The following IGF1R variants were observed in gnomAD, a reference collection of about 807,000 sequenced individuals.
IGF1R encodes the protein insulin-like growth factor 1 receptor.
Under a neutral mutation model 144.6 loss-of-function variants are expected in IGF1R, and 44 were observed. The observed-to-expected ratio is 0.30, with a 90% confidence interval of 0.24 to 0.39. IGF1R has a LOEUF of 0.39. Ranked by LOEUF, IGF1R falls within the 10% of genes least tolerant of loss-of-function variation. The pLI is 1.00. For missense variants in IGF1R, 1,355 were observed against 1,833.7 expected, an observed-to-expected ratio of 0.74 and a Z score of 4.77; for synonymous variants, 795 against 722.8, an observed-to-expected ratio of 1.10 and a Z score of -1.60.
At position 98,855,109 on chromosome 15, in the gene IGF1R, T is replaced by C. The variant is rs758916971; in HGVS notation, c.641-36216T>C. Among the ~76,000 whole-genome samples, 18 of 152,372 alleles carry C rather than the reference T, an allele frequency of 1.2e-4. No homozygotes were observed. The South Asian group carries it at 1.7e-3, about 14-fold the overall frequency. On this transcript the variant is annotated intron_variant, in intron 2 of 20. Coordinates refer to ENST00000650285, the MANE Select transcript of IGF1R (RefSeq NM_000875.5). ...CTGTCAATCTTGCCTTCCGCGCTAA[T>C]GGGACACTGATGCTGTATGGTGATG...
chr15:98,733,826 A>C (rs1044484247), intron 2 of IGF1R, among the ~76,000 whole-genome samples: 1 of 152,166 alleles, frequency 6.6e-6, no homozygotes. Context: ...GGCAAAGCCC[A>C]GGGATTTGTT....
chr15:98,754,590 C>G (rs895137832), intron 2 of IGF1R, among the ~76,000 whole-genome samples: 1 of 152,194 alleles, frequency 6.6e-6, no homozygotes, highest in Admixed American at 6.5e-5. Flanking sequence ...ACCTTTGCTG[C>G]GTTCCGAAGC....
intron 20 of IGF1R, 125 bp from the exon 21 acceptor site, chr15:98,956,936 C>T (rs2017012342): frequency 1.9e-6 from 2 of 1,069,182 alleles, no homozygotes; most frequent in East Asian, 4.7e-5. Context: ...AGAGGGGCAG[C>T]AGGGCTGTGT....
chr15:98,878,451 A>C (rs2013172025), intron 2 of IGF1R, among the ~76,000 whole-genome samples: 1 of 152,310 alleles, frequency 6.6e-6, no homozygotes, highest in East Asian at 1.9e-4. Context: ...AGGAATATAC[A>C]AACAGTTCCA....
In IGF1R at chr15:98,891,693, G is replaced by C. The variant is rs2013930116; in HGVS notation, c.953+56G>C. On this transcript the variant is annotated intron_variant, in intron 3 of 20. Transcript: ENST00000650285. This position sits in a 1 kb window ranked among gnomAD's most constrained non-coding sequence, Gnocchi z 4.7. Reference sequence around the variant, plus strand: ...CCGCCCCACCTCACCCGCCACCCTAGCACACAAAGGTAGACTCTGTCGGTT... The same window carrying C: ...CCGCCCCACCTCACCCGCCACCCTACCACACAAAGGTAGACTCTGTCGGTT... The C allele has an allele frequency of 6.5e-7, 1 of 1,530,438 alleles. No homozygotes were observed. The highest frequency in any genetic ancestry group is 1.7e-5 in the Admixed American group (1 of 58,112). The allele number at this position is 1,530,438 out of a possible 1,614,324, so 94.8% of individuals were successfully genotyped here. A position where few individuals can be genotyped will look rare whatever the true frequency, so the allele number is the denominator to read the frequency against.
chr15:98,910,386 T>A (rs897697029), intron 6 of IGF1R, among the ~76,000 whole-genome samples: 3 of 152,228 alleles, frequency 2.0e-5, no homozygotes, highest in African/African-American at 7.2e-5. Flanking sequence ...CCTCTCTAAA[T>A]AACACTTCAG....
chr15:98,764,911 A>G (rs1455558727), intron 2 of IGF1R, among the ~76,000 whole-genome samples: 5 of 152,226 alleles, frequency 3.3e-5, no homozygotes, highest in African/African-American at 1.2e-4. Context: ...ATCTAGTTCC[A>G]AAATACATTT....
At chr15:98,785,142 A>T (rs2055961390) in intron 2 of IGF1R, among the ~76,000 whole-genome samples, 7 of 152,352 alleles carry the variant, frequency 4.6e-5, no homozygotes, top group Admixed American at 3.9e-4. Flanking sequence ...CTGGAATTTG[A>T]CTTGATTGGT....
chr15:98,794,858 C>T (rs2056202721), intron 2 of IGF1R, among the ~76,000 whole-genome samples: 1 of 152,196 alleles, frequency 6.6e-6, no homozygotes, highest in South Asian at 2.1e-4. Flanking sequence ...TCCCCCGCCC[C>T]TTAACCACTG....
chr15:98,833,373 G>T lies in IGF1R; in HGVS notation c.641-57952G>T, dbSNP rs555174238. 1.4e-4 allele frequency among the ~76,000 whole-genome samples: 22 copies of T among 152,298 alleles called. No homozygotes were observed. In the South Asian group the frequency reaches 4.4e-3, roughly 30 times the overall value. ...CCTGGTTTGGTCCAGCCTTAGAGCGGGTTTGCAGGTAGACACCTTCCTAAT... is the reference window on the plus strand; with the variant it reads ...CCTGGTTTGGTCCAGCCTTAGAGCGTGTTTGCAGGTAGACACCTTCCTAAT... On this transcript the variant is annotated intron_variant, in intron 2 of 20. Coordinates refer to ENST00000650285, the MANE Select transcript of IGF1R (RefSeq NM_000875.5).
At chr15:98,739,086 CAG>C (rs1447527946) in intron 2 of IGF1R, among the ~76,000 whole-genome samples, 1 of 152,196 alleles carries the variant, frequency 6.6e-6, no homozygotes, top group East Asian at 1.9e-4. Flanking sequence ...AGTGTGGAAA[CAG>C]TGTGTTCACT....
intron 7 of IGF1R, among the ~76,000 whole-genome samples, chr15:98,912,160 C>T (rs2015053405): frequency 6.6e-6 from 1 of 152,186 alleles, no homozygotes; most frequent in Admixed American, 6.5e-5. Flanking sequence ...TCCCCCTTAC[C>T]CAGGTCCCAT....
chr15:98,779,047 T>C (rs1297012391), intron 2 of IGF1R, among the ~76,000 whole-genome samples: 2 of 152,248 alleles, frequency 1.3e-5, no homozygotes, highest in East Asian at 3.8e-4. Flanking sequence ...TTATTCTTAC[T>C]AGCATCACTG....
chr15:98,789,507 A>G (rs1276964491), intron 2 of IGF1R, among the ~76,000 whole-genome samples: 1 of 152,188 alleles, frequency 6.6e-6, no homozygotes, highest in Non-Finnish European at 1.5e-5. Context: ...CCTGACGCCG[A>G]GTCCTCGCCT....
rs2053809429 is a variant in IGF1R at position 98,704,323 on chromosome 15, A to G, written c.95-3239A>G. Among the ~76,000 whole-genome samples, 2 of 152,046 alleles carry G rather than the reference A, an allele frequency of 1.3e-5. No individual in the cohort carries two copies. The highest frequency in any genetic ancestry group is 2.9e-5 in the Non-Finnish European group (2 of 67,992). On this transcript the variant is annotated intron_variant, in intron 1 of 20. Coordinates refer to ENST00000650285, the MANE Select transcript of IGF1R (RefSeq NM_000875.5). This position sits in a 1 kb window ranked among gnomAD's most constrained non-coding sequence, Gnocchi z 4.9. ...AAGGTGTTTAGGCAGAGCTCTGAGG[A>G]GGTGACGTTTGAGTGGAGACCCAGA...
chr15:98,690,961 A>G (rs189205665), intron 1 of IGF1R, among the ~76,000 whole-genome samples: 11 of 152,338 alleles, frequency 7.2e-5, no homozygotes, highest in Admixed American at 7.2e-4. Flanking sequence ...GTTTCTTTAA[A>G]TAAACTTTTT....
chr15:98,863,013 T>C (rs1030049131), intron 2 of IGF1R, among the ~76,000 whole-genome samples: 8 of 152,212 alleles, frequency 5.3e-5, no homozygotes, highest in African/African-American at 1.9e-4. Context: ...TGTCCCTTTT[T>C]TTGGTTCCAG....
At chr15:98,844,515 G>C (rs953296798) in intron 2 of IGF1R, among the ~76,000 whole-genome samples, 12 of 152,048 alleles carry the variant, frequency 7.9e-5, no homozygotes, top group Non-Finnish European at 1.5e-5. Context: ...TAATCTAGGA[G>C]GCATGTCTAC....
intron 2 of IGF1R, among the ~76,000 whole-genome samples, chr15:98,726,751 C>T (rs2054371679): frequency 8.5e-6 from 1 of 117,108 alleles, no homozygotes; most frequent in African/African-American, 3.2e-5. Flanking sequence ...TAGAGTCTTG[C>T]TCTTGTCACC....
Sources: allele counts gnomAD v4.1 joint callset (sites outside exome capture counted in the v4.1 genomes callset), GRCh38; gene constraint gnomAD v4.1.1; non-coding constraint Gnocchi (gnomAD v3.1); transcripts MANE v1.5; gene names NCBI Gene and HGNC (gene_info 2026-07-23, HGNC 2026-07-21).